The following COL4A2 variants were observed in gnomAD, a reference collection of about 807,000 sequenced individuals.
The protein encoded by COL4A2 is collagen alpha-2(IV) chain.
COL4A2 carries 99 observed loss-of-function variants against 200.2 expected under a neutral mutation model. The observed-to-expected ratio is 0.49, with a 90% CI of 0.42 to 0.58. COL4A2 has a LOEUF of 0.58. Among genes scored for constraint, COL4A2 ranks in the 20% least tolerant of loss-of-function variants. The probability of loss-of-function intolerance (pLI) is 0.00; values close to 1 mark genes in which losing one functional copy is unlikely to be tolerated. For missense variants in COL4A2, 1,950 were observed against 2,314.1 expected (o/e 0.84, Z 3.23); for synonymous variants, 897 against 900.6 (o/e 1.00, Z 0.07).
At chr13:110,368,782 A>G (rs1265351009) in intron 4 of COL4A2, among the ~76,000 whole-genome samples, 2 of 147,184 alleles carry the variant, frequency 1.4e-5, no homozygotes, top group African/African-American at 2.5e-5. Flanking sequence ...GAATAGTTAC[A>G]TTAGTGCCAT....
intron 22 of COL4A2, among the ~76,000 whole-genome samples, chr13:110,461,066 G>A (rs1394521981): frequency 2.0e-5 from 3 of 152,170 alleles, no homozygotes; most frequent in Non-Finnish European, 4.4e-5. Context: ...AAAACACAAC[G>A]CTGATGGGTA....
At chr13:110,418,731 A>G (rs1462440159) in intron 4 of COL4A2, among the ~76,000 whole-genome samples, 1 of 149,920 alleles carries the variant, frequency 6.7e-6, no homozygotes, top group Non-Finnish European at 1.5e-5. Flanking sequence ...AAATAAGGAG[A>G]CAGAGATAGA....
chr13:110,458,111 G>A (rs761200719), intron 21 of COL4A2: 36 of 470,198 alleles, frequency 7.7e-5, no homozygotes, highest in Middle Eastern at 3.2e-4. Context: ...CCGTTTTGGC[G>A]TATGTAGGAT....
intron 4 of COL4A2, among the ~76,000 whole-genome samples, chr13:110,402,083 C>T (rs1429511360): frequency 2.0e-5 from 3 of 152,168 alleles, no homozygotes; most frequent in Non-Finnish European, 2.9e-5. Context: ...AATTTATATC[C>T]TTCTCACATG....
intron 40 of COL4A2, among the ~76,000 whole-genome samples, chr13:110,496,618 A>G (rs1883465423): frequency 6.8e-6 from 1 of 147,114 alleles, no homozygotes; most frequent in African/African-American, 2.5e-5. Flanking sequence ...TCAGTCCACG[A>G]GCACAGCCTC....
intron 4 of COL4A2, among the ~76,000 whole-genome samples, chr13:110,401,873 T>C (rs894786479): frequency 6.6e-6 from 1 of 152,234 alleles, no homozygotes; most frequent in Non-Finnish European, 1.5e-5. Flanking sequence ...GCCCTGCTGC[T>C]GTGTCCTCAC....
In COL4A2 at chr13:110,485,541, A is replaced by G. The variant is rs867289609; in HGVS notation, c.3026-114A>G. On this transcript the variant is annotated intron_variant, in intron 33 of 47. Coordinates refer to ENST00000360467, the MANE Select transcript of COL4A2 (RefSeq NM_001846.4). ...CCGTCTCAAAAAAAAAAAAAAAAAA[A>G]AAAAAGATTCACAGCACGTAGGACA... is the stretch of plus-strand genomic sequence containing the variant. 2,482 of 608,814 alleles carry G rather than the reference A, an allele frequency of 4.1e-3. 19 individuals carry two copies. Among genetic ancestry groups the G allele is most frequent in the Middle Eastern group, 0.012 (27 of 2,262 alleles). The allele number at this position is 608,814 out of a possible 1,614,324, so 37.7% of individuals were successfully genotyped here.
chr13:110,470,195 C>T (rs375097106), intron 28 of COL4A2, among the ~76,000 whole-genome samples: 13 of 152,110 alleles, frequency 8.5e-5, no homozygotes, highest in South Asian at 4.2e-4. Context: ...GGATGACAGG[C>T]GTGAGCCACT....
Position 110,446,031 on chromosome 13 carries a change from G to A in COL4A2, c.1011+149G>A, listed in dbSNP as rs569562873. 7.5e-4 allele frequency: 616 copies of A among 820,066 alleles called. 1 individual carries two copies. The highest frequency in any genetic ancestry group is 1.5e-3 in the Admixed American group (62 of 41,496). 50.8% of individuals were successfully genotyped at this position (820,066 alleles called of 1,614,324 possible). On this transcript the variant is annotated intron_variant, in intron 17 of 47. Transcript: ENST00000360467. The stretch of plus-strand genomic sequence containing the variant: ...ACACGGCCTCTGACACTGGACAGAC[G>A]AGGTGGATGGTGACCTACGAGCCAC...
intron 4 of COL4A2, among the ~76,000 whole-genome samples, chr13:110,372,281 C>G (rs139189715): frequency 8.5e-5 from 13 of 152,300 alleles, no homozygotes; most frequent in African/African-American, 3.1e-4. Context: ...TCCCAAAACC[C>G]TTCAACAGAC....
In COL4A2 at chr13:110,480,251, C is replaced by T; in HGVS notation, c.2619C>T (p.Asp873=). The T allele has an allele frequency of 1.2e-6, 2 of 1,611,382 alleles. No individual in the cohort carries two copies. Among genetic ancestry groups the T allele is most frequent in the Middle Eastern group, 1.7e-4 (1 of 5,954 alleles). Residue 873 remains aspartate, a synonymous_variant, in exon 31 of 48, where the codon GAC becomes GAT. Coordinates refer to ENST00000360467, the MANE Select transcript of COL4A2 (RefSeq NM_001846.4). ...GLPGDRGDPG[D]TGAPGPVGMK... is the part of the protein sequence containing the mutation. ...CTGGTGATAGAGGGGACCCTGGGGA[C>T]ACAGGCGCTCCTGGCCCTGTGGGCA...
chr13:110,345,586 G>A (rs962461245), intron 3 of COL4A2, among the ~76,000 whole-genome samples: 5 of 152,094 alleles, frequency 3.3e-5, no homozygotes, highest in African/African-American at 7.2e-5. Flanking sequence ...TGCACATCTC[G>A]TCCTCACCCG....
chr13:110,500,984 A>AC (rs1355655024), intron 40 of COL4A2, among the ~76,000 whole-genome samples: 1 of 152,232 alleles, frequency 6.6e-6, no homozygotes, highest in Non-Finnish European at 1.5e-5. Context: ...CACTACAGAG[A>AC]CCAAGACAAG....
In COL4A2 at chr13:110,449,762, C is replaced by A. The variant is rs933951989; in HGVS notation, c.1162C>A (p.Pro388Thr). The A allele has an allele frequency of 2.6e-6, 4 of 1,548,118 alleles. No individual in the cohort carries two copies. ...GEPGDPGLPG[P>T]PGLSIGDGDQ... is the part of the protein sequence containing the mutation. ...GCCAGGAGACCCGGGCCTCCCAGGT[C>A]CCCCTGGCCTCTCCATCGGAGATGG... Residue 388 changes from proline (P) to threonine (T), a missense_variant, in exon 19 of 48, where the codon CCC becomes ACC. Physicochemically the swap from Pro to Thr is conservative, Grantham distance 38. Transcript: ENST00000360467.
intron 28 of COL4A2, among the ~76,000 whole-genome samples, chr13:110,470,478 C>A (rs1360991569): frequency 6.6e-6 from 1 of 152,150 alleles, no homozygotes; most frequent in African/African-American, 2.4e-5. Context: ...TAACCACACA[C>A]CCTGAGAGAG....
intron 21 of COL4A2, 154 bp downstream of exon 21, chr13:110,457,589 TGA>T (rs1881819184): frequency 2.8e-6 from 2 of 703,260 alleles, no homozygotes; most frequent in East Asian, 5.5e-5. Context: ...GCGGTGGCAC[TGA>T]GAGGGAGGCG....
chr13:110,338,438 G>GA (rs1276436768), intron 3 of COL4A2, among the ~76,000 whole-genome samples: 1 of 150,132 alleles, frequency 6.7e-6, no homozygotes, highest in Non-Finnish European at 1.5e-5. Context: ...TGTGTGTGGG[G>GA]GGGGGTGGGG....
chr13:110,328,096 T>A (rs900739908), intron 3 of COL4A2, among the ~76,000 whole-genome samples: 3 of 152,194 alleles, frequency 2.0e-5, no homozygotes, highest in African/African-American at 7.2e-5. Flanking sequence ...AGTCTTCAGT[T>A]AAATTAATAG....
At position 110,512,827 on chromosome 13, in the gene COL4A2, C is replaced by CAGA. The variant is rs1884138358; in HGVS notation, c.*639_*641dup. ...ACCACTGGGTTTGGCAAAACTCAGG[C>CAGA]AGAAGTGGAGACCTTTCTAGACATC... On this transcript the variant is annotated 3_prime_UTR_variant, in exon 48 of 48. Transcript: ENST00000360467. 1 of 152,610 alleles carries CAGA rather than the reference C, an allele frequency of 6.6e-6. No individual in the cohort carries two copies. The highest frequency in any genetic ancestry group is 2.1e-4 in the South Asian group (1 of 4,844). The allele number at this position is 152,610 out of a possible 1,614,324, so 9.5% of individuals were successfully genotyped here.
Sources: gnomAD v4.1 joint callset for allele counts (sites outside exome capture counted in the v4.1 genomes callset) on GRCh38, gnomAD v4.1.1 for gene constraint, MANE v1.5 for transcripts, NCBI Gene and HGNC (gene_info 2026-07-23, HGNC 2026-07-21) for gene names.